TXNDC16: variants seen among roughly 807,000 people sequenced by gnomAD.
The protein encoded by TXNDC16 is thioredoxin domain-containing protein 16.
Under a neutral mutation model 85.6 loss-of-function variants are expected in TXNDC16, and 74 were observed. The ratio of observed to expected loss-of-function variants is 0.86; its 90% confidence interval spans 0.72 to 1.05. The LOEUF (loss-of-function observed/expected upper bound fraction) is 1.05. Among genes scored for constraint, TXNDC16 ranks in the 50% least tolerant of loss-of-function variants. The pLI is 0.00. For missense variants in TXNDC16, 959 were observed against 947.0 expected (o/e 1.01, Z -0.17); for synonymous variants, 335 against 326.5 (o/e 1.03, Z -0.28).
At chr14:52,436,600 T>C (rs941963303) in intron 20 of TXNDC16, among the ~76,000 whole-genome samples, 1 of 152,318 alleles carries the variant, frequency 6.6e-6, no homozygotes, top group African/African-American at 2.4e-5. Flanking sequence ...ATACCATCCA[T>C]ATTTTATTTA....
intron 20 of TXNDC16, among the ~76,000 whole-genome samples, chr14:52,434,137 C>T (rs1259027319): frequency 3.3e-5 from 5 of 152,274 alleles, no homozygotes; most frequent in South Asian, 4.1e-4. Context: ...TGCAATGAGC[C>T]GTGATTACAC....
chr14:52,482,860 A>G lies in TXNDC16; in HGVS notation c.1214T>C (p.Val405Ala). 1 of 1,612,188 alleles carries G rather than the reference A, an allele frequency of 6.2e-7. No homozygotes were observed. The highest frequency in any genetic ancestry group is 8.5e-7 in the Non-Finnish European group (1 of 1,179,336). ...GAGTACTATGCTGTCAGAAGCCATCACTGTTGCATTAAATGTTTCTTCTGT... is the reference window on the plus strand; with the variant it reads ...GAGTACTATGCTGTCAGAAGCCATCGCTGTTGCATTAAATGTTTCTTCTGT... ...ELTEETFNAT[V>A]MASDSIVLFY... The change falls in exon 13 of 21, where the codon GTG (valine) becomes GCG (alanine). Residue 405 changes from valine (V) to alanine (A), a missense_variant. By Grantham distance (64) the Val-to-Ala change is moderately conservative (BLOSUM62 0). Coordinates refer to ENST00000281741, the MANE Select transcript of TXNDC16 (RefSeq NM_020784.3).
At chr14:52,502,846 G>A (rs1371294425) in intron 9 of TXNDC16, among the ~76,000 whole-genome samples, 2 of 152,198 alleles carry the variant, frequency 1.3e-5, no homozygotes, top group African/African-American at 4.8e-5. Context: ...GGTGACAGAC[G>A]GAACCTGGAA....
In TXNDC16 at chr14:52,530,333, A is replaced by AT. The variant is rs1275474367; in HGVS notation, c.392+6385dup. ...TATAATATATAATTATTTTTATATT[A>AT]TATATAATTATATATTATAATATAA... is the stretch of plus-strand genomic sequence containing the variant. On this transcript the variant is annotated intron_variant, in intron 6 of 20. Transcript: ENST00000281741. Among the ~76,000 whole-genome samples the AT allele has an allele frequency of 6.5e-4, 33 of 50,754 alleles. 4 individuals are homozygous for AT. The East Asian group carries it at 0.021, about 32-fold the overall frequency. The allele number at this position is 50,754 out of a possible 152,430, so 33.3% of individuals were successfully genotyped here.
chr14:52,507,403 T>G (rs1410264626), intron 9 of TXNDC16, among the ~76,000 whole-genome samples: 5 of 151,836 alleles, frequency 3.3e-5, no homozygotes, highest in South Asian at 2.1e-4. Flanking sequence ...CACTGCTCAG[T>G]GAAATAAAAG....
At chr14:52,460,439 A>G (rs2035626539) in intron 16 of TXNDC16, among the ~76,000 whole-genome samples, 4 of 152,202 alleles carry the variant, frequency 2.6e-5, no homozygotes, top group Admixed American at 2.6e-4. Flanking sequence ...CAAAAATCGT[A>G]TGAAAGTCAA....
chr14:52,475,010 A>G (rs2035988672), intron 14 of TXNDC16, among the ~76,000 whole-genome samples: 1 of 152,218 alleles, frequency 6.6e-6, no homozygotes, highest in African/African-American at 2.4e-5. Context: ...GAAGTGGGAA[A>G]GGCAGATCGT....
chr14:52,481,477 A>G (rs1397394820), intron 14 of TXNDC16, among the ~76,000 whole-genome samples: 2 of 152,220 alleles, frequency 1.3e-5, no homozygotes, highest in African/African-American at 4.8e-5. Context: ...TAAATGAAAC[A>G]AAATTTATGA....
intron 18 of TXNDC16, among the ~76,000 whole-genome samples, chr14:52,449,806 G>C (rs2035366262): frequency 6.6e-6 from 1 of 152,000 alleles, no homozygotes; most frequent in South Asian, 2.1e-4. Context: ...AGCAATTTTG[G>C]AAACTATACA....
chr14:52,439,095 C>T (rs896183532), intron 20 of TXNDC16, 109 bp downstream of exon 20: 52 of 1,167,620 alleles, frequency 4.5e-5, no homozygotes, highest in Middle Eastern at 2.8e-4. Context: ...ATGGATGATG[C>T]TACCAGCATT....
chr14:52,467,420 T>TA (rs1255807173), intron 16 of TXNDC16, among the ~76,000 whole-genome samples: 2 of 151,940 alleles, frequency 1.3e-5, no homozygotes, highest in African/African-American at 4.8e-5. Context: ...ATAACCCAAT[T>TA]TAAAAACAGG....
chr14:52,529,328 G>T (rs188674584), intron 6 of TXNDC16, among the ~76,000 whole-genome samples: 242 of 150,340 alleles, frequency 1.6e-3, no homozygotes, highest in African/African-American at 5.7e-3. Flanking sequence ...GTTGTGGGGT[G>T]GGAGGAGGGG....
At chr14:52,547,886 C>T (rs555634530) in intron 1 of TXNDC16, among the ~76,000 whole-genome samples, 39 of 152,334 alleles carry the variant, frequency 2.6e-4, no homozygotes, top group South Asian at 8.3e-4. Flanking sequence ...CATTTGTTGA[C>T]GAGAGACTGT....
At chr14:52,502,935 C>A (rs893673892) in intron 9 of TXNDC16, among the ~76,000 whole-genome samples, 1 of 152,214 alleles carries the variant, frequency 6.6e-6, no homozygotes, top group Non-Finnish European at 1.5e-5. Flanking sequence ...ATATCCCGCG[C>A]TTGAGGGCTC....
chr14:52,536,314 G>A (rs886470092), intron 6 of TXNDC16, among the ~76,000 whole-genome samples: 3 of 152,148 alleles, frequency 2.0e-5, no homozygotes, highest in Non-Finnish European at 2.9e-5. Flanking sequence ...GATCTTGGAC[G>A]TCCCAGATTC....
intron 18 of TXNDC16, among the ~76,000 whole-genome samples, chr14:52,445,590 C>T (rs2035262091): frequency 6.6e-6 from 1 of 152,202 alleles, no homozygotes; most frequent in African/African-American, 2.4e-5. Flanking sequence ...CTTGAATCCA[C>T]TATTATACAG....
At chr14:52,485,202 T>A (rs1345987456) in intron 12 of TXNDC16, among the ~76,000 whole-genome samples, 1 of 152,188 alleles carries the variant, frequency 6.6e-6, no homozygotes, top group Non-Finnish European at 1.5e-5. Context: ...CCTAGGCTAA[T>A]GTGTGTGTTT....
chr14:52,441,168 A>G (rs2035156275), intron 18 of TXNDC16, among the ~76,000 whole-genome samples: 1 of 152,214 alleles, frequency 6.6e-6, no homozygotes, highest in Non-Finnish European at 1.5e-5. Flanking sequence ...ACTTTTTCCA[A>G]TATTATGGTT....
chr14:52,460,295 A>C (rs1429292392), intron 16 of TXNDC16, among the ~76,000 whole-genome samples: 5 of 152,148 alleles, frequency 3.3e-5, no homozygotes, highest in Admixed American at 6.6e-5. Context: ...CAAATAGAAA[A>C]ACATCCCAAG....
Sources: allele counts gnomAD v4.1 joint callset (sites outside exome capture counted in the v4.1 genomes callset), GRCh38; gene constraint gnomAD v4.1.1; transcripts MANE v1.5; gene names NCBI Gene and HGNC (gene_info 2026-07-23, HGNC 2026-07-21).